Variants in DNAH5 observed in about 807,000 individuals in gnomAD.
DNAH5 encodes the protein dynein axonemal heavy chain 5.
In DNAH5, 372 loss-of-function variants were observed where a neutral mutation model predicts 518.2. The ratio of observed to expected loss-of-function variants is 0.72; its 90% CI spans 0.66 to 0.78. The LOEUF is 0.78. DNAH5 is among the 30% of genes least tolerant of loss of function. The pLI is 0.00. For missense variants in DNAH5, 5,523 were observed against 5,687.0 expected (o/e 0.97, Z 0.93); for synonymous variants, 2,039 against 2,025.9 (o/e 1.01, Z -0.17).
At chr5:13,997,464 A>C (rs931500272) in intron 1 of DNAH5, among the ~76,000 whole-genome samples, 12 of 152,134 alleles carry the variant, frequency 7.9e-5, no homozygotes, top group African/African-American at 2.7e-4. Context: ...AATGACCTTT[A>C]CTATTCATAT....
chr5:13,741,120 G>A (rs956060118), intron 65 of DNAH5, among the ~76,000 whole-genome samples: 1 of 152,140 alleles, frequency 6.6e-6, no homozygotes, highest in South Asian at 2.1e-4. Context: ...ATGCAGATGT[G>A]GAAATGCTCA....
intron 36 of DNAH5, 118 bp from the exon 37 acceptor site, chr5:13,830,331 C>G: frequency 1.9e-6 from 2 of 1,032,130 alleles, no homozygotes; most frequent in South Asian, 2.8e-5. Context: ...AAGTAAAGTG[C>G]AACAAATAGA....
Position 13,769,247 on chromosome 5 carries a change from G to GT in DNAH5, c.9721-112dup, listed in dbSNP as rs36092508. ...TTTTGTTCACTTACCCAGTTTTGTT[G>GT]TTTTTTTTTTTTTTTTTTGAGATGG... On this transcript the variant is annotated intron_variant, in intron 57 of 78. Transcript: ENST00000265104. 0.22 allele frequency: 158,336 copies of GT among 723,532 alleles called. 6,363 individuals are homozygous for GT. The highest frequency in any genetic ancestry group is 0.33 in the African/African-American group (16,203 of 48,674). The allele number at this position is 723,532 out of a possible 1,614,324, so 44.8% of individuals were successfully genotyped here.
intron 12 of DNAH5, among the ~76,000 whole-genome samples, chr5:13,902,969 A>G (rs928845173): frequency 4.6e-5 from 7 of 152,218 alleles, no homozygotes; most frequent in Non-Finnish European, 1.0e-4. Context: ...GTTTTTGAAA[A>G]CCCATGAGAA....
intron 65 of DNAH5, among the ~76,000 whole-genome samples, chr5:13,742,113 A>G (rs1297288087): frequency 1.3e-5 from 2 of 152,194 alleles, no homozygotes; most frequent in African/African-American, 4.8e-5. Context: ...TAAATGATAA[A>G]TGATACTTTG....
At chr5:13,828,179 G>T (rs1426698877) in intron 38 of DNAH5, among the ~76,000 whole-genome samples, 1 of 152,242 alleles carries the variant, frequency 6.6e-6, no homozygotes, top group Non-Finnish European at 1.5e-5. Context: ...GCCAGAGCCA[G>T]AAGAGTCTGT....
chr5:13,919,473 T>A, intron 6 of DNAH5, 121 bp from the exon 7 acceptor site: 1 of 1,137,834 alleles, frequency 8.8e-7, no homozygotes, highest in Non-Finnish European at 1.2e-6. Flanking sequence ...ATATGCGTAT[T>A]CCATGCTTCC....
intron 1 of DNAH5, among the ~76,000 whole-genome samples, chr5:13,987,689 C>A (rs1783154677): frequency 6.6e-6 from 1 of 151,826 alleles, no homozygotes; most frequent in Admixed American, 6.6e-5. Flanking sequence ...CCCGTCTCTA[C>A]TAAAAATACA....
chr5:14,000,205 GAC>G (rs1236396930), intron 1 of DNAH5, among the ~76,000 whole-genome samples: 2 of 152,206 alleles, frequency 1.3e-5, no homozygotes, highest in African/African-American at 4.8e-5. Context: ...AGGGAAGTTG[GAC>G]AGAGACAAGC....
chr5:13,857,545 A>G (rs1195955100), intron 30 of DNAH5, among the ~76,000 whole-genome samples: 3 of 152,206 alleles, frequency 2.0e-5, no homozygotes, highest in Admixed American at 6.5e-5. Flanking sequence ...AAAAGAGTCC[A>G]TATAGCCAAG....
chr5:13,859,593 T>C lies in DNAH5; in HGVS notation c.4809A>G (p.Pro1603=). 6.2e-7 allele frequency: 1 copy of C among 1,614,032 alleles called. No homozygotes were observed. The highest frequency in any genetic ancestry group is 8.5e-7 in the Non-Finnish European group (1 of 1,179,890). ...GSLLSNRYNM[P]FKAQIQKWVQ... is the part of the protein sequence containing the mutation. ...CCCATTTTTGAATCTGGGCTTTGAA[T>C]GGCATATTGTACCTAAAATAAGAAA... The change falls in exon 30 of 79, where the codon CCA becomes CCG. Residue 1603 remains proline (P), a synonymous_variant. Transcript: ENST00000265104.
At chr5:13,905,336 G>A (rs571967001) in intron 12 of DNAH5, among the ~76,000 whole-genome samples, 5 of 152,324 alleles carry the variant, frequency 3.3e-5, no homozygotes, top group African/African-American at 1.2e-4. Flanking sequence ...GCAGGAGTGG[G>A]TTGTTATAAA....
At chr5:13,848,197 A>T (rs1414236095) in intron 31 of DNAH5, among the ~76,000 whole-genome samples, 1 of 152,138 alleles carries the variant, frequency 6.6e-6, no homozygotes, top group East Asian at 1.9e-4. Context: ...AGGGAGATCA[A>T]CTCATTAATC....
intron 35 of DNAH5, among the ~76,000 whole-genome samples, chr5:13,835,772 T>C (rs1278887099): frequency 1.3e-5 from 2 of 152,170 alleles, no homozygotes; most frequent in Admixed American, 6.5e-5. Flanking sequence ...CCTCTGTCTC[T>C]GTACTGGGGA....
intron 46 of DNAH5, 52 bp from the exon 47 acceptor site, chr5:13,807,777 G>A (rs1329871979): frequency 1.3e-6 from 2 of 1,493,780 alleles, no homozygotes; most frequent in Admixed American, 1.9e-5. Context: ...GAGTGTGATG[G>A]GCTGAATTTG....
chr5:13,754,343 C>T lies in DNAH5; in HGVS notation c.10420-5G>A, dbSNP rs754497052. The T allele has an allele frequency of 6.2e-6, 10 of 1,614,018 alleles. No individual in the cohort carries two copies. The highest frequency in any genetic ancestry group is 8.5e-6 in the Non-Finnish European group (10 of 1,179,938). Reference sequence around the variant, plus strand: ...CTCTGCATCTTCAAGCAAGGTCTAACAAAGGTCATAATCACAAGAAAGCTT... The same window carrying T: ...CTCTGCATCTTCAAGCAAGGTCTAATAAAGGTCATAATCACAAGAAAGCTT... On this transcript the variant is annotated splice_polypyrimidine_tract_variant and splice_region_variant and intron_variant, in intron 61 of 78. Coordinates refer to ENST00000265104, the MANE Select transcript of DNAH5 (RefSeq NM_001369.3).
At chr5:13,919,411 T>A in intron 6 of DNAH5, 59 bp from the exon 7 acceptor site, 3 of 1,584,274 alleles carry the variant, frequency 1.9e-6, no homozygotes, top group Admixed American at 3.5e-5. Flanking sequence ...GCTAAAGTTA[T>A]AAACAAGCAA....
intron 21 of DNAH5, among the ~76,000 whole-genome samples, 167 bp downstream of exon 21, chr5:13,882,561 G>A (rs1329444239): frequency 1.3e-5 from 2 of 152,146 alleles, no homozygotes; most frequent in Admixed American, 6.5e-5. Context: ...CTAAAATGGT[G>A]ATATTAAAAT....
chr5:13,916,996 A>G lies in DNAH5; in HGVS notation c.1089+147T>C. 24 of 685,068 alleles carry G rather than the reference A, an allele frequency of 3.5e-5. 1 individual carries two copies. The South Asian group carries it at 3.6e-4, about 10-fold the overall frequency. The allele number at this position is 685,068 out of a possible 1,614,324, so 42.4% of individuals were successfully genotyped here. On this transcript the variant is annotated intron_variant, in intron 8 of 78. Transcript: ENST00000265104. ...GATATTTGTGCGTCTGCGTGTATAT[A>G]CCTATATATATGTAATTTTCTTGAA...
Sources: allele counts gnomAD v4.1 joint callset (sites outside exome capture counted in the v4.1 genomes callset), GRCh38; gene constraint gnomAD v4.1.1; transcripts MANE v1.5; gene names NCBI Gene and HGNC (gene_info 2026-07-23, HGNC 2026-07-21).